The following NAP1L1 variants were observed in gnomAD, a reference collection of about 807,000 sequenced individuals.
NAP1L1 encodes the protein nucleosome assembly protein 1-like 1.
Under a neutral mutation model 58.9 loss-of-function variants are expected in NAP1L1, and 9 were observed. The observed-to-expected ratio is 0.15, with a 90% confidence interval of 0.09 to 0.27. The LOEUF is 0.27. Among genes scored for constraint, NAP1L1 ranks in the 10% least tolerant of loss-of-function variants. The pLI is 1.00. For synonymous variants in NAP1L1, 130 were observed against 138.3 expected (o/e 0.94, Z 0.42); for missense variants, 302 against 458.8 (o/e 0.66, Z 3.12).
intron 1 of NAP1L1, among the ~76,000 whole-genome samples, chr12:76,081,337 C>A (rs1461132387): frequency 6.6e-6 from 1 of 152,134 alleles, no homozygotes; most frequent in Non-Finnish European, 1.5e-5. Context: ...ATAATACACA[C>A]AGAATTTAAA....
Position 76,042,512 on chromosome 12 carries a change from C to G in NAP1L1, c.*5917G>C, listed in dbSNP as rs1310514422. On this transcript the variant is annotated 3_prime_UTR_variant, in exon 15 of 15. Transcript: ENST00000618691. ...GAAAAGTTTTAGTCTAAAATTAGAT[C>G]TCCATTTTTATTCATGGATTCTTAT... The G allele has an allele frequency of 6.6e-6, 1 of 152,210 alleles. No homozygotes were observed. The highest frequency in any genetic ancestry group is 1.5e-5 in the Non-Finnish European group (1 of 68,040). 9.4% of individuals were successfully genotyped at this position (152,210 alleles called of 1,614,324 possible).
At chr12:76,052,315 T>C (rs12822792) in intron 11 of NAP1L1, among the ~76,000 whole-genome samples, 31,551 of 152,024 alleles carry the variant, frequency 0.21, 3,436 homozygotes, top group South Asian at 0.31. Flanking sequence ...TCCACTGATA[T>C]GAAAATAGTG....
intron 6 of NAP1L1, among the ~76,000 whole-genome samples, chr12:76,059,092 A>G (rs1383623704): frequency 1.3e-5 from 2 of 152,264 alleles, no homozygotes; most frequent in Non-Finnish European, 2.9e-5. Flanking sequence ...TATGGATGAA[A>G]GTATTCATCA....
chr12:76,054,781 C>G (rs1311568625), intron 8 of NAP1L1, among the ~76,000 whole-genome samples: 1 of 152,140 alleles, frequency 6.6e-6, no homozygotes, highest in East Asian at 1.9e-4. Context: ...TATTCATGTT[C>G]CCTTGGCATT....
Position 76,075,050 on chromosome 12 carries a change from A to C in NAP1L1, c.-20-811T>G, listed in dbSNP as rs1028208137. On this transcript the variant is annotated intron_variant, in intron 1 of 14. Transcript: ENST00000618691. ...TGGAGAATACTGCTTTTGGAAAAAC[A>C]AATCTTAAAGCAGATGTGTTATATC... is the stretch of plus-strand genomic sequence containing the variant. Among the ~76,000 whole-genome samples the C allele has an allele frequency of 9.2e-5, 14 of 152,250 alleles. 1 individual carries two copies. The highest frequency in any genetic ancestry group is 1.5e-5 in the Non-Finnish European group (1 of 68,044).
rs1411956121 is a variant in NAP1L1, at chr12:76,045,437, A to G, written c.*2992T>C. ...AATGGGAATGGCCTACAATTACAATAAACAATTAATTCAGTTATTTTAGGG... is the reference window on the plus strand; with the variant it reads ...AATGGGAATGGCCTACAATTACAATGAACAATTAATTCAGTTATTTTAGGG... On this transcript the variant is annotated 3_prime_UTR_variant, in exon 15 of 15. Coordinates refer to ENST00000618691, the MANE Select transcript of NAP1L1 (RefSeq NM_004537.7). 1 of 152,098 alleles carries G rather than the reference A, an allele frequency of 6.6e-6. No homozygotes were observed. Among genetic ancestry groups the G allele is most frequent in the Non-Finnish European group, 1.5e-5 (1 of 67,916 alleles). The allele number at this position is 152,098 out of a possible 1,614,324, so 9.4% of individuals were successfully genotyped here.
At chr12:76,079,610 T>TA (rs1950323415) in intron 1 of NAP1L1, among the ~76,000 whole-genome samples, 2 of 151,304 alleles carry the variant, frequency 1.3e-5, no homozygotes, top group Admixed American at 1.3e-4. Context: ...CACTTTATAA[T>TA]AAAAGGTTCA....
At chr12:76,063,826 G>A (rs1390984564) in intron 4 of NAP1L1, among the ~76,000 whole-genome samples, 1 of 146,124 alleles carries the variant, frequency 6.8e-6, no homozygotes, top group South Asian at 2.3e-4. Context: ...ACTGATACTA[G>A]AGGAAGACAC....
At chr12:76,058,843 T>C (rs1209123929) in intron 6 of NAP1L1, among the ~76,000 whole-genome samples, 3 of 152,248 alleles carry the variant, frequency 2.0e-5, no homozygotes, top group East Asian at 3.8e-4. Context: ...TCTGATGTGA[T>C]AGTTTTGAGA....
intron 1 of NAP1L1, among the ~76,000 whole-genome samples, chr12:76,075,986 A>C (rs1052431632): frequency 6.6e-6 from 1 of 152,178 alleles, no homozygotes; most frequent in Non-Finnish European, 1.5e-5. Flanking sequence ...CAACACAATG[A>C]GACACTGTCT....
chr12:76,040,602 A>G lies in NAP1L1; in HGVS notation c.*7827T>C, dbSNP rs1948542728. Reference sequence around the variant, plus strand: ...ACTATCTCGGCTCACTGCAACCTCCACCTCCCGAGTTCAGTCAATTCTTGT... The same window carrying G: ...ACTATCTCGGCTCACTGCAACCTCCGCCTCCCGAGTTCAGTCAATTCTTGT... On this transcript the variant is annotated 3_prime_UTR_variant, in exon 15 of 15. Coordinates refer to ENST00000618691, the MANE Select transcript of NAP1L1 (RefSeq NM_004537.7). 6.6e-6 allele frequency: 1 copy of G among 151,228 alleles called. No homozygotes were observed. Among genetic ancestry groups the G allele is most frequent in the South Asian group, 2.1e-4 (1 of 4,788 alleles). 9.4% of individuals were successfully genotyped at this position (151,228 alleles called of 1,614,324 possible). A position where few individuals can be genotyped will look rare whatever the true frequency, so the allele number is the denominator to read the frequency against.
chr12:76,053,240 T>C lies in NAP1L1; in HGVS notation c.881A>G (p.Asn294Ser), dbSNP rs760165842. 6.8e-6 allele frequency: 11 copies of C among 1,613,898 alleles called. No individual in the cohort carries two copies. The highest frequency in any genetic ancestry group is 2.7e-5 in the African/African-American group (2 of 74,932). Residue 294 changes from asparagine (N) to serine (S), a missense_variant, in exon 10 of 15, where the codon AAT (asparagine) becomes AGT (serine). Coordinates refer to ENST00000618691, the MANE Select transcript of NAP1L1 (RefSeq NM_004537.7). ...GGCAAAAAAGTTAAAGAAAGAGTCA[T>C]TGGAAACTGTTTTAGTCACAGTACG... ...TVRTVTKTVS[N>S]DSFFNFFAPP... is the part of the protein sequence containing the mutation.
intron 13 of NAP1L1, 168 bp from the exon 14 acceptor site, chr12:76,049,418 TC>T (rs1283573083): frequency 6.5e-7 from 1 of 1,532,556 alleles, no homozygotes; most frequent in South Asian, 1.2e-5. Flanking sequence ...ATGAAAAATT[TC>T]CCAACACAAC....
chr12:76,054,022 C>A lies in NAP1L1; in HGVS notation c.631-113G>T, dbSNP rs537665934. On this transcript the variant is annotated intron_variant, in intron 8 of 14. Transcript: ENST00000618691. The stretch of plus-strand genomic sequence containing the variant: ...ATATTCTAAATGATAATTTTTTTTT[C>A]TACTCTGAAATACAATCTTCTTTTT... 1.5e-4 allele frequency: 166 copies of A among 1,080,966 alleles called. 3 individuals are homozygous for A. The South Asian group carries it at 2.1e-3, about 14-fold the overall frequency. 67.0% of individuals were successfully genotyped at this position (1,080,966 alleles called of 1,614,324 possible).
rs528458921 is a variant in NAP1L1, at chr12:76,037,744, T to G, written c.*10685A>C. On this transcript the variant is annotated 3_prime_UTR_variant, in exon 15 of 15. Coordinates refer to ENST00000618691, the MANE Select transcript of NAP1L1 (RefSeq NM_004537.7). ...TTCAAAGCCCTATTCAAATCCCAGA[T>G]TTCCTCTGGCTGAGTTAATTCCTTC... The G allele has an allele frequency of 3.3e-5, 5 of 152,316 alleles. No homozygotes were observed. In the South Asian group the frequency reaches 8.3e-4, roughly 25 times the overall value. The allele number at this position is 152,316 out of a possible 1,614,324, so 9.4% of individuals were successfully genotyped here. A position where few individuals can be genotyped will look rare whatever the true frequency, so the allele number is the denominator to read the frequency against.
At chr12:76,050,256 G>A (rs1026891820) in intron 12 of NAP1L1, among the ~76,000 whole-genome samples, 2 of 151,968 alleles carry the variant, frequency 1.3e-5, no homozygotes, top group African/African-American at 2.4e-5. Context: ...GTCAAGGCAA[G>A]GGCATAATAG....
At chr12:76,067,925 T>C (rs1949757185) in intron 3 of NAP1L1, among the ~76,000 whole-genome samples, 1 of 152,226 alleles carries the variant, frequency 6.6e-6, no homozygotes, top group Non-Finnish European at 1.5e-5. Context: ...GTTTGATGCT[T>C]GTGTAATGTA....
chr12:76,069,485 T>C, intron 2 of NAP1L1, among the ~76,000 whole-genome samples: 1 of 152,196 alleles, frequency 6.6e-6, no homozygotes, highest in East Asian at 1.9e-4. Flanking sequence ...GGGAAGCCTT[T>C]ATCTTAATCC....
intron 4 of NAP1L1, among the ~76,000 whole-genome samples, chr12:76,063,306 T>C (rs997358352): frequency 3.3e-5 from 5 of 152,174 alleles, no homozygotes; most frequent in Non-Finnish European, 7.3e-5. Flanking sequence ...AACTTAGATA[T>C]TAGGTTATAA....
Sources: allele counts gnomAD v4.1 joint callset (sites outside exome capture counted in the v4.1 genomes callset), GRCh38; gene constraint gnomAD v4.1.1; transcripts MANE v1.5; gene names NCBI Gene and HGNC (gene_info 2026-07-23, HGNC 2026-07-21).